OR51B6: variants seen among roughly 807,000 people sequenced by gnomAD.
The protein encoded by OR51B6 is olfactory receptor 51B6.
For synonymous variants in OR51B6, 154 were observed against 137.3 expected, an observed-to-expected ratio of 1.12 and a Z score of -0.85; for missense variants, 502 against 382.2, an observed-to-expected ratio of 1.31 and a Z score of -2.61.
chr11:5,351,676 A>G lies in OR51B6; in HGVS notation c.169A>G (p.Met57Val), dbSNP rs1849090057. The change falls in exon 1 of 1, where the codon ATG (methionine) becomes GTG (valine). Residue 57 changes from methionine (M) to valine (V), a missense_variant. Met to Val is a conservative substitution (Grantham distance 21, BLOSUM62 1). Coordinates refer to ENST00000380219, the MANE Select transcript of OR51B6 (RefSeq NM_001004750.1). The part of the protein sequence containing the change: ...IRNDHNLHEP[M>V]YYFLAMLAAT... ...GAATGATCATAACCTCCATGAGCCC[A>G]TGTACTATTTCTTAGCTATGTTGGC... The G allele has an allele frequency of 1.9e-6, 3 of 1,614,100 alleles. No homozygotes were observed. The East Asian group carries it at 6.7e-5, about 36-fold the overall frequency.
Sources: gnomAD v4.1 joint callset for allele counts on GRCh38, gnomAD v4.1.1 for gene constraint, MANE v1.5 for transcripts, NCBI Gene and HGNC (gene_info 2026-07-23, HGNC 2026-07-21) for gene names.